The following BCR variants were observed in gnomAD, a reference collection of about 807,000 sequenced individuals.
BCR encodes the protein BCR activator of RhoGEF and GTPase, also known as breakpoint cluster region protein.
A neutral mutation model predicts 138.6 loss-of-function variants in BCR; 58 were observed. That is an observed-to-expected ratio of 0.42 (90% confidence interval 0.34 to 0.52). The LOEUF is 0.52. Among genes scored for constraint, BCR ranks in the 20% least tolerant of loss-of-function variants. BCR has a pLI of 0.06. For synonymous variants in BCR, 786 were observed against 730.1 expected (o/e 1.08, Z -1.23); for missense variants, 1,599 against 1,727.2 (o/e 0.93, Z 1.32).
chr22:23,297,549 C>T (rs2073860273), intron 16 of BCR, among the ~76,000 whole-genome samples: 1 of 152,186 alleles, frequency 6.6e-6, no homozygotes, highest in Non-Finnish European at 1.5e-5. Flanking sequence ...TTCTCTCTCC[C>T]TCTCCATGTT....
At chr22:23,309,851 C>T (rs1376899802) in intron 17 of BCR, 6 of 347,594 alleles carry the variant, frequency 1.7e-5, no homozygotes, top group Admixed American at 1.4e-4. Context: ...CAAAAAGGCC[C>T]GGGTATAAAT....
chr22:23,242,797 C>T (rs761330709), intron 1 of BCR: 6 of 449,002 alleles, frequency 1.3e-5, no homozygotes, highest in Non-Finnish European at 2.7e-5. Context: ...CTTACAACAA[C>T]AAACATTTAT....
At chr22:23,189,619 G>C (rs2072389539) in intron 1 of BCR, among the ~76,000 whole-genome samples, 2 of 152,094 alleles carry the variant, frequency 1.3e-5, no homozygotes, top group South Asian at 4.1e-4. Flanking sequence ...TCCTGCCTCA[G>C]CCACCCAAGT....
chr22:23,182,283 A>G, intron 1 of BCR, 44 bp downstream of exon 1: 1 of 1,487,702 alleles, frequency 6.7e-7, no homozygotes, highest in South Asian at 1.3e-5. Context: ...TGCACGGGGG[A>G]GGAAAACCAT....
Position 23,292,538 on chromosome 22 carries a change from C to G in BCR, c.2783-3C>G. On this transcript the variant is annotated splice_polypyrimidine_tract_variant and splice_region_variant and intron_variant, in intron 14 of 22. Transcript: ENST00000305877. ...CCTTCTCCATGTCCACTTCTCCCCA[C>G]AGATCTGTACTGCACCCTGGAGGTG... 6 of 1,611,044 alleles carry G rather than the reference C, an allele frequency of 3.7e-6. No homozygotes were observed. The highest frequency in any genetic ancestry group is 5.1e-6 in the Non-Finnish European group (6 of 1,177,704).
At chr22:23,282,329 C>T (rs951737198) in intron 8 of BCR, among the ~76,000 whole-genome samples, 4 of 152,228 alleles carry the variant, frequency 2.6e-5, no homozygotes, top group East Asian at 1.9e-4. Context: ...CCTCGGCAGG[C>T]GGGGTGTGGG....
chr22:23,219,075 G>A (rs1325518070), intron 1 of BCR, among the ~76,000 whole-genome samples: 1 of 152,212 alleles, frequency 6.6e-6, no homozygotes, highest in Non-Finnish European at 1.5e-5. Flanking sequence ...GACAATGGAT[G>A]GATGGATGGA....
intron 9 of BCR, 122 bp from the exon 10 acceptor site, chr22:23,284,910 TG>T: frequency 9.2e-7 from 1 of 1,086,588 alleles, no homozygotes; most frequent in South Asian, 1.6e-5. Context: ...GAACACGTGC[TG>T]GGTTTTAGGT....
chr22:23,279,443 T>C (rs977744985), intron 8 of BCR, among the ~76,000 whole-genome samples: 1 of 152,122 alleles, frequency 6.6e-6, no homozygotes, highest in Non-Finnish European at 1.5e-5. Context: ...ACCTCTGGAG[T>C]CTGCCACATC....
chr22:23,198,228 G>T (rs1039493327), intron 1 of BCR: 10 of 430,284 alleles, frequency 2.3e-5, no homozygotes, highest in Non-Finnish European at 4.6e-5. Context: ...GGGAGGAGGT[G>T]GGTGGGGATT....
intron 5 of BCR, among the ~76,000 whole-genome samples, chr22:23,269,189 G>C (rs1602086177): frequency 6.6e-6 from 1 of 152,376 alleles, no homozygotes; most frequent in East Asian, 1.9e-4. Context: ...GGCCCAGCCA[G>C]AACCAGAACC....
At chr22:23,281,121 C>G (rs2073639040) in intron 8 of BCR, among the ~76,000 whole-genome samples, 1 of 152,244 alleles carries the variant, frequency 6.6e-6, no homozygotes, top group South Asian at 2.1e-4. Context: ...CACACAGGGA[C>G]ACACAGACGC....
chr22:23,312,711 C>T (rs1408147085), intron 19 of BCR, 176 bp from the exon 20 acceptor site: 1 of 593,300 alleles, frequency 1.7e-6, no homozygotes, highest in Non-Finnish European at 3.0e-6. Context: ...CCTATCAACT[C>T]TGCAGACACA....
chr22:23,233,493 AT>A (rs775213308), intron 1 of BCR, among the ~76,000 whole-genome samples: 1 of 152,172 alleles, frequency 6.6e-6, no homozygotes, highest in Non-Finnish European at 1.5e-5. Context: ...GGGTCTTCAC[AT>A]TCTTCAGAAG....
chr22:23,311,790 C>T lies in BCR; in HGVS notation c.3276C>T (p.Ser1092=), dbSNP rs756709730. 6.2e-6 allele frequency: 10 copies of T among 1,611,650 alleles called. No homozygotes were observed. Among genetic ancestry groups the T allele is most frequent in the East Asian group, 2.2e-5 (1 of 44,892 alleles). The change falls in exon 19 of 23, where the codon TCC becomes TCT. Residue 1092 remains serine, a synonymous_variant. Transcript: ENST00000305877. ...AGGAGGTGGGCATCTACCGCGTGTC[C>T]GGTGTGGCCACGGACATCCAGGCAC... The part of the protein sequence containing the change: ...GMEEVGIYRV[S]GVATDIQALK...
In BCR at chr22:23,180,602, C is replaced by CGGG. The variant is rs2072228219; in HGVS notation, c.-357_-355dup. 1 of 174,512 alleles carries CGGG rather than the reference C, an allele frequency of 5.7e-6. No individual in the cohort carries two copies. Among genetic ancestry groups the CGGG allele is most frequent in the Non-Finnish European group, 1.1e-5 (1 of 89,428 alleles). 10.8% of individuals were successfully genotyped at this position (174,512 alleles called of 1,614,324 possible). On this transcript the variant is annotated 5_prime_UTR_variant, in exon 1 of 23. Transcript: ENST00000305877. ...GGCGGCGGCGGCGGCACGGCGGCGG[C>CGGG]GGGGCTGTGGGGCGGTGCGGAAGCG...
intron 1 of BCR, chr22:23,217,193 T>C (rs2072764677): frequency 3.6e-6 from 1 of 276,646 alleles, no homozygotes; most frequent in Non-Finnish European, 7.5e-6. Context: ...TGGATGACTT[T>C]TTTAGATTTT....
chr22:23,273,487 A>G, intron 7 of BCR, 147 bp from the exon 8 acceptor site: 2 of 1,125,058 alleles, frequency 1.8e-6, no homozygotes, highest in African/African-American at 3.1e-5. Context: ...TCTGTCCACA[A>G]AGCTGGGGCC....
In BCR at chr22:23,315,800, G is replaced by A; in HGVS notation, c.*278G>A. 1 of 522,402 alleles carries A rather than the reference G, an allele frequency of 1.9e-6. No individual in the cohort carries two copies. The highest frequency in any genetic ancestry group is 1.8e-5 in the South Asian group (1 of 54,738). The allele number at this position is 522,402 out of a possible 1,614,324, so 32.4% of individuals were successfully genotyped here. A position where few individuals can be genotyped will look rare whatever the true frequency, so the allele number is the denominator to read the frequency against. ...TCTCGGAGTCCAGGCCTGGCCCTGG[G>A]AGACAGGGTGAAGGGAGTGGTTTTT... On this transcript the variant is annotated 3_prime_UTR_variant, in exon 23 of 23. Transcript: ENST00000305877.
Sources: allele counts gnomAD v4.1 joint callset (sites outside exome capture counted in the v4.1 genomes callset), GRCh38; gene constraint gnomAD v4.1.1; transcripts MANE v1.5; gene names NCBI Gene and HGNC (gene_info 2026-07-23, HGNC 2026-07-21).